Variants in RALYL observed in about 807,000 individuals in gnomAD.
The protein encoded by RALYL is RALY RNA binding protein like.
Under a neutral mutation model 35.1 loss-of-function variants are expected in RALYL, and 29 were observed. The observed-to-expected ratio is 0.83, with a 90% CI of 0.61 to 1.13. The LOEUF is 1.13. Ranked by LOEUF, RALYL falls within the 50% of genes most tolerant of loss-of-function variation. The probability of loss-of-function intolerance (pLI) is 0.00; values close to 1 mark genes in which losing one functional copy is unlikely to be tolerated. For missense variants in RALYL, 359 were observed against 360.4 expected, an observed-to-expected ratio of 1.00 and a Z score of 0.03; for synonymous variants, 120 against 127.6, an observed-to-expected ratio of 0.94 and a Z score of 0.40.
At chr8:84,374,440 C>T (rs1219570067) in intron 1 of RALYL, among the ~76,000 whole-genome samples, 1 of 151,914 alleles carries the variant, frequency 6.6e-6, no homozygotes, top group African/African-American at 2.4e-5. Flanking sequence ...CATTGCAGCA[C>T]TATTTACAAT....
Position 84,561,570 on chromosome 8 carries a change from A to C in RALYL, c.256+31993A>C, listed in dbSNP as rs1210193335. On this transcript the variant is annotated intron_variant, in intron 2 of 8. Coordinates refer to ENST00000521268, the MANE Select transcript of RALYL (RefSeq NM_173848.7). ...ATAAATTAGGCACAGTAAGAGATTA[A>C]CAACAATTATAATAAAATAGAACAA... Among the ~76,000 whole-genome samples, 3 of 152,022 alleles carry C rather than the reference A, an allele frequency of 2.0e-5. No homozygotes were observed. The East Asian group carries it at 5.8e-4, about 29-fold the overall frequency.
chr8:84,650,945 A>T (rs1828663596), intron 2 of RALYL, among the ~76,000 whole-genome samples: 1 of 152,130 alleles, frequency 6.6e-6, no homozygotes, highest in Non-Finnish European at 1.5e-5. Context: ...ATTGGAAATC[A>T]TCATTCTCAG....
chr8:84,913,839 G>A (rs1184866240), intron 8 of RALYL, among the ~76,000 whole-genome samples: 2 of 151,712 alleles, frequency 1.3e-5, no homozygotes, highest in East Asian at 3.9e-4. Context: ...TTAAAAAAAA[G>A]GAGGGTTATG....
chr8:84,459,254 G>A (rs2050475063), intron 1 of RALYL, among the ~76,000 whole-genome samples: 1 of 151,750 alleles, frequency 6.6e-6, no homozygotes, highest in Non-Finnish European at 1.5e-5. Flanking sequence ...AGTTAACCAA[G>A]ACTGAGAGGT....
At chr8:84,571,406 G>C (rs1031997458) in intron 2 of RALYL, among the ~76,000 whole-genome samples, 16 of 151,652 alleles carry the variant, frequency 1.1e-4, no homozygotes, top group African/African-American at 3.9e-4. Context: ...GCAAATAGGG[G>C]TGTTCATAGT....
chr8:84,302,307 T>C (rs1840952432), intron 1 of RALYL, among the ~76,000 whole-genome samples: 5 of 152,194 alleles, frequency 3.3e-5, no homozygotes, highest in African/African-American at 9.6e-5. Context: ...TCTCATTACC[T>C]TTCCTTGGTC....
intron 1 of RALYL, among the ~76,000 whole-genome samples, chr8:84,211,934 C>T (rs141819642): frequency 5.1e-4 from 77 of 152,162 alleles, no homozygotes; most frequent in African/African-American, 1.6e-3. Context: ...GCACATTGCA[C>T]GAATTGTATC....
At chr8:84,661,558 A>C (rs1830910570) in intron 2 of RALYL, among the ~76,000 whole-genome samples, 1 of 149,274 alleles carries the variant, frequency 6.7e-6, no homozygotes, top group Admixed American at 6.7e-5. Flanking sequence ...TGATATAGGC[A>C]TGGCTTTAAT....
chr8:84,839,256 G>T (rs1405206740), intron 4 of RALYL, among the ~76,000 whole-genome samples: 1 of 152,180 alleles, frequency 6.6e-6, no homozygotes, highest in African/African-American at 2.4e-5. Flanking sequence ...TGGAAAATCG[G>T]GTCACTCCCA....
At chr8:84,885,572 A>G (rs1842815310) in intron 7 of RALYL, among the ~76,000 whole-genome samples, 1 of 152,198 alleles carries the variant, frequency 6.6e-6, no homozygotes, top group South Asian at 2.1e-4. Context: ...ATGTTGTTAA[A>G]TGGAGAAATT....
chr8:84,725,316 A>C (rs769444967), intron 2 of RALYL, among the ~76,000 whole-genome samples: 1 of 151,764 alleles, frequency 6.6e-6, no homozygotes, highest in Non-Finnish European at 1.5e-5. Flanking sequence ...GGCCACACTT[A>C]TTTCTTTTTC....
At chr8:84,562,806 A>G (rs1202082906) in intron 2 of RALYL, among the ~76,000 whole-genome samples, 1 of 151,898 alleles carries the variant, frequency 6.6e-6, no homozygotes, top group African/African-American at 2.4e-5. Flanking sequence ...TGACTGTGCT[A>G]ATTAAAGTTA....
intron 2 of RALYL, among the ~76,000 whole-genome samples, chr8:84,659,364 C>A (rs1175796887): frequency 2.6e-5 from 4 of 151,994 alleles, no homozygotes; most frequent in African/African-American, 9.7e-5. Flanking sequence ...CTGCGGTGTT[C>A]CCCATTAGGC....
intron 2 of RALYL, among the ~76,000 whole-genome samples, chr8:84,550,765 A>G (rs1427455309): frequency 6.6e-6 from 1 of 151,934 alleles, no homozygotes; most frequent in African/African-American, 2.4e-5. Flanking sequence ...TGCAATGTTG[A>G]AAGTAAATTA....
chr8:84,311,953 T>A (rs1842896215), intron 1 of RALYL, among the ~76,000 whole-genome samples: 1 of 152,162 alleles, frequency 6.6e-6, no homozygotes, highest in African/African-American at 2.4e-5. Flanking sequence ...TGTTTATGAG[T>A]GTATTAGTCC....
chr8:84,747,930 T>A (rs1207917841), intron 2 of RALYL, among the ~76,000 whole-genome samples: 1 of 151,960 alleles, frequency 6.6e-6, no homozygotes, highest in Non-Finnish European at 1.5e-5. Flanking sequence ...CTGAAACTTT[T>A]TGTAGTTGGT....
At chr8:84,385,738 C>A (rs1469497304) in intron 1 of RALYL, among the ~76,000 whole-genome samples, 2 of 149,564 alleles carry the variant, frequency 1.3e-5, no homozygotes, top group Non-Finnish European at 3.0e-5. Flanking sequence ...CTGCACCTGA[C>A]AGGGCTAGCT....
At chr8:84,364,222 G>A (rs919176931) in intron 1 of RALYL, among the ~76,000 whole-genome samples, 3 of 152,238 alleles carry the variant, frequency 2.0e-5, no homozygotes, top group Non-Finnish European at 2.9e-5. Flanking sequence ...GACAAAATGA[G>A]GGAGGCTGCC....
intron 1 of RALYL, among the ~76,000 whole-genome samples, chr8:84,324,870 A>C (rs1447259139): frequency 1.3e-5 from 2 of 152,112 alleles, no homozygotes; most frequent in Non-Finnish European, 2.9e-5. Flanking sequence ...CTTCATAACC[A>C]TAATAATGTG....
Sources: gnomAD v4.1 joint callset for allele counts (sites outside exome capture counted in the v4.1 genomes callset) on GRCh38, gnomAD v4.1.1 for gene constraint, MANE v1.5 for transcripts, NCBI Gene and HGNC (gene_info 2026-07-23, HGNC 2026-07-21) for gene names.